AKAP10: variants seen among roughly 807,000 people sequenced by gnomAD.
The protein encoded by AKAP10 is A-kinase anchor protein 10, mitochondrial.
A neutral mutation model predicts 80.8 loss-of-function variants in AKAP10; 24 were observed. The observed-to-expected ratio is 0.30, with a 90% CI of 0.22 to 0.42. The LOEUF (loss-of-function observed/expected upper bound fraction) is 0.42, where lower values mean the gene tolerates loss of function less well. AKAP10 is among the 10% of genes least tolerant of loss of function. The pLI is 1.00. For synonymous variants in AKAP10, 291 were observed against 277.7 expected, an observed-to-expected ratio of 1.05 and a Z score of -0.48; for missense variants, 661 against 794.9, an observed-to-expected ratio of 0.83 and a Z score of 2.03.
intron 12 of AKAP10, 72 bp from the exon 13 acceptor site, chr17:19,910,050 G>A: frequency 2.0e-6 from 3 of 1,472,560 alleles, no homozygotes; most frequent in East Asian, 2.3e-5. Flanking sequence ...TTATTTGGCT[G>A]GCCATGGTGG....
At chr17:19,948,854 A>G (rs554374502) in intron 4 of AKAP10, among the ~76,000 whole-genome samples, 2 of 152,312 alleles carry the variant, frequency 1.3e-5, no homozygotes, top group South Asian at 2.1e-4. Context: ...ACATAAGCAG[A>G]TAAGATACAA....
intron 8 of AKAP10, among the ~76,000 whole-genome samples, chr17:19,939,125 A>G (rs2043025633): frequency 6.6e-6 from 1 of 152,200 alleles, no homozygotes; most frequent in African/African-American, 2.4e-5. Flanking sequence ...GCCTGACCAG[A>G]TATTTTCAAT....
intron 11 of AKAP10, 33 bp downstream of exon 11, chr17:19,924,375 C>T (rs1475766613): frequency 7.0e-7 from 1 of 1,432,014 alleles, no homozygotes; most frequent in African/African-American, 1.4e-5. Flanking sequence ...GTTATTTACA[C>T]TTGTAAAAAT....
chr17:19,921,402 C>T (rs941031580), intron 11 of AKAP10, among the ~76,000 whole-genome samples: 16 of 151,840 alleles, frequency 1.1e-4, no homozygotes, highest in Non-Finnish European at 1.8e-4. Context: ...TTGATCTGCC[C>T]GCCTCGGCCT....
At chr17:19,957,298 T>C (rs997945026) in intron 4 of AKAP10, among the ~76,000 whole-genome samples, 2 of 151,962 alleles carry the variant, frequency 1.3e-5, no homozygotes, top group African/African-American at 4.8e-5. Flanking sequence ...TCCCAGCACT[T>C]TGGGAGGCCG....
intron 3 of AKAP10, among the ~76,000 whole-genome samples, chr17:19,958,842 C>CT (rs772496178): frequency 0.012 from 1,109 of 92,954 alleles, 72 homozygotes; most frequent in East Asian, 0.046. Flanking sequence ...CATGTAAATT[C>CT]TTTTTTTTTT....
intron 5 of AKAP10, among the ~76,000 whole-genome samples, chr17:19,946,264 TATA>T (rs2043124498): frequency 3.2e-5 from 1 of 31,354 alleles, no homozygotes; most frequent in African/African-American, 1.3e-4. Flanking sequence ...TATATATATA[TATA>T]TATATATATT....
At chr17:19,918,266 A>G (rs2042771385) in intron 12 of AKAP10, among the ~76,000 whole-genome samples, 1 of 151,822 alleles carries the variant, frequency 6.6e-6, no homozygotes, top group Non-Finnish European at 1.5e-5. Flanking sequence ...ATGGCCAGAC[A>G]TGGTGAATCA....
At chr17:19,958,695 CTAAAG>C in intron 3 of AKAP10, 124 bp from the exon 4 acceptor site, 3 of 758,032 alleles carry the variant, frequency 4.0e-6, no homozygotes, top group South Asian at 2.3e-5. Context: ...TTCCTAGCAA[CTAAAG>C]TAAATAAAAA....
chr17:19,943,387 T>C (rs1325232478), intron 5 of AKAP10, among the ~76,000 whole-genome samples: 1 of 152,160 alleles, frequency 6.6e-6, no homozygotes, highest in Non-Finnish European at 1.5e-5. Flanking sequence ...GGGCTGAAGG[T>C]TGAGCTGATC....
intron 4 of AKAP10, among the ~76,000 whole-genome samples, chr17:19,954,420 C>G (rs1047708487): frequency 3.3e-5 from 5 of 151,814 alleles, no homozygotes; most frequent in African/African-American, 1.2e-4. Context: ...CTGACGTAAC[C>G]CTCATACTTA....
intron 11 of AKAP10, 66 bp downstream of exon 11, chr17:19,924,342 T>C: frequency 8.8e-7 from 1 of 1,139,190 alleles, no homozygotes; most frequent in Non-Finnish European, 1.2e-6. Context: ...TAAAATTTAA[T>C]TAAAAAATTT....
At chr17:19,977,172 AAAC>A (rs1372095668) in intron 1 of AKAP10, among the ~76,000 whole-genome samples, 1 of 152,206 alleles carries the variant, frequency 6.6e-6, no homozygotes, top group Non-Finnish European at 1.5e-5. Context: ...TGGGTGAAGA[AAAC>A]AATTTTTTCA....
chr17:19,928,711 T>A (rs2042900794), intron 10 of AKAP10, among the ~76,000 whole-genome samples: 1 of 152,036 alleles, frequency 6.6e-6, no homozygotes, highest in Non-Finnish European at 1.5e-5. Flanking sequence ...ACCCCATCTC[T>A]ACTAAAAAAT....
intron 8 of AKAP10, among the ~76,000 whole-genome samples, chr17:19,936,964 C>G (rs1349683585): frequency 6.6e-6 from 1 of 152,006 alleles, no homozygotes; most frequent in Non-Finnish European, 1.5e-5. Context: ...TTGGATAGAA[C>G]AGGACTTACT....
chr17:19,949,248 T>TA (rs1170323533), intron 4 of AKAP10, among the ~76,000 whole-genome samples: 1 of 151,562 alleles, frequency 6.6e-6, no homozygotes. Context: ...AAAAACATAA[T>TA]AAACAAAATT....
chr17:19,966,747 A>G (rs144540666), intron 2 of AKAP10, among the ~76,000 whole-genome samples: 16 of 119,528 alleles, frequency 1.3e-4, no homozygotes, highest in South Asian at 4.9e-4. Flanking sequence ...ACAACTTCCC[A>G]AGGTCATACT....
intron 7 of AKAP10, among the ~76,000 whole-genome samples, chr17:19,940,667 T>A (rs1040548230): frequency 6.6e-6 from 1 of 152,242 alleles, no homozygotes; most frequent in Non-Finnish European, 1.5e-5. Context: ...GTAGTTTAAT[T>A]AGGTTTCTCA....
intron 1 of AKAP10, among the ~76,000 whole-genome samples, chr17:19,969,323 A>C (rs1027779049): frequency 6.6e-6 from 1 of 152,130 alleles, no homozygotes; most frequent in Non-Finnish European, 1.5e-5. Context: ...CCAGCCTGGG[A>C]GACAAAGAGA....
Sources: gnomAD v4.1 joint callset for allele counts (sites outside exome capture counted in the v4.1 genomes callset) on GRCh38, gnomAD v4.1.1 for gene constraint, MANE v1.5 for transcripts, NCBI Gene and HGNC (gene_info 2026-07-23, HGNC 2026-07-21) for gene names.